Variants in ADGRL3 observed in about 807,000 individuals in gnomAD.
ADGRL3 encodes the protein calcium-independent alpha-latrotoxin receptor 3.
Under a neutral mutation model 153.5 loss-of-function variants are expected in ADGRL3, and 62 were observed. That is an observed-to-expected ratio of 0.40 (90% confidence interval 0.33 to 0.50). ADGRL3 has a LOEUF of 0.50. Ranked by LOEUF, ADGRL3 falls within the 20% of genes least tolerant of loss-of-function variation. The pLI is 0.47. For synonymous variants in ADGRL3, 710 were observed against 672.5 expected (o/e 1.06, Z -0.86); for missense variants, 1,641 against 1,859.4 (o/e 0.88, Z 2.16).
At chr4:61,607,994 C>T (rs74503075) in intron 5 of ADGRL3, among the ~76,000 whole-genome samples, 2 of 152,162 alleles carry the variant, frequency 1.3e-5, no homozygotes, top group Non-Finnish European at 2.9e-5. Flanking sequence ...CTCACTGTCA[C>T]CATCTTCGCA....
At chr4:61,540,257 A>G (rs1282424745) in intron 4 of ADGRL3, among the ~76,000 whole-genome samples, 1 of 152,158 alleles carries the variant, frequency 6.6e-6, no homozygotes, top group African/African-American at 2.4e-5. Flanking sequence ...AGTTAAATAC[A>G]GTGGAAATCT....
intron 6 of ADGRL3, among the ~76,000 whole-genome samples, chr4:61,728,067 C>T (rs2096379511): frequency 6.6e-6 from 1 of 152,046 alleles, no homozygotes; most frequent in Non-Finnish European, 1.5e-5. Context: ...TGTTACCAAG[C>T]TTTTCAATGA....
intron 3 of ADGRL3, among the ~76,000 whole-genome samples, chr4:61,517,043 T>G (rs1024684589): frequency 3.3e-5 from 5 of 151,868 alleles, no homozygotes; most frequent in Non-Finnish European, 7.4e-5. Flanking sequence ...TAATTATGTC[T>G]AATTTTCTAA....
At chr4:61,534,052 G>A (rs1022571363) in intron 4 of ADGRL3, among the ~76,000 whole-genome samples, 1 of 151,970 alleles carries the variant, frequency 6.6e-6, no homozygotes, top group African/African-American at 2.4e-5. Context: ...TTTTTTCTAG[G>A]TTTTCTCCTA....
chr4:61,679,245 A>T (rs1455862615), intron 6 of ADGRL3, among the ~76,000 whole-genome samples: 1 of 151,954 alleles, frequency 6.6e-6, no homozygotes, highest in African/African-American at 2.4e-5. Context: ...ATGTGAATTC[A>T]TTACCACGGG....
At chr4:61,587,968 T>G (rs1183011316) in intron 5 of ADGRL3, among the ~76,000 whole-genome samples, 2 of 151,978 alleles carry the variant, frequency 1.3e-5, no homozygotes, top group African/African-American at 4.8e-5. Flanking sequence ...AATTTAAATA[T>G]TTGAGCAATC....
intron 4 of ADGRL3, among the ~76,000 whole-genome samples, chr4:61,567,108 T>G (rs934888391): frequency 3.9e-5 from 6 of 152,140 alleles, no homozygotes; most frequent in African/African-American, 1.4e-4. Flanking sequence ...AATTCAACAA[T>G]TTTACAATTT....
intron 2 of ADGRL3, among the ~76,000 whole-genome samples, chr4:61,423,220 G>A (rs2152350440): frequency 6.6e-6 from 1 of 152,318 alleles, no homozygotes; most frequent in South Asian, 2.1e-4. Context: ...AGAAAGGGAT[G>A]TTGAAGTTGA....
At chr4:61,909,021 C>T (rs899808613) in intron 11 of ADGRL3, among the ~76,000 whole-genome samples, 1 of 152,150 alleles carries the variant, frequency 6.6e-6, no homozygotes, top group Admixed American at 6.5e-5. Context: ...CAATAGTTTG[C>T]TACCCAGCAT....
rs1322899565 is a variant in ADGRL3 at position 61,810,289 on chromosome 4, A to G, written c.1400-3520A>G. Among the ~76,000 whole-genome samples, 7 of 152,278 alleles carry G rather than the reference A, an allele frequency of 4.6e-5. No individual in the cohort carries two copies. The South Asian group carries it at 1.2e-3, about 27-fold the overall frequency. ...GTTCTCTGCAGGCTAGCTGTAAAGCATCTGCTTTCTAACCAGCCTCTGATA... is the reference window on the plus strand; with the variant it reads ...GTTCTCTGCAGGCTAGCTGTAAAGCGTCTGCTTTCTAACCAGCCTCTGATA... On this transcript the variant is annotated intron_variant, in intron 8 of 26. Transcript: ENST00000683033.
chr4:61,241,531 T>TA (rs1250298312), intron 1 of ADGRL3, among the ~76,000 whole-genome samples: 1 of 152,062 alleles, frequency 6.6e-6, no homozygotes, highest in East Asian at 1.9e-4. Context: ...CTTGCCATTG[T>TA]AAATAAATTA....
rs1465046230 is a variant in ADGRL3 at position 61,383,111 on chromosome 4, TC to T, written c.-239-12del. 1 of 151,752 alleles carries T rather than the reference TC, an allele frequency of 6.6e-6. No homozygotes were observed. The highest frequency in any genetic ancestry group is 1.5e-5 in the Non-Finnish European group (1 of 67,768). The allele number at this position is 151,752 out of a possible 1,614,324, so 9.4% of individuals were successfully genotyped here. ...CTCATAATCAAATTAAATATTTTTT[TC>T]TTTTTTTTCAGAAATGTTTAATTTG... On this transcript the variant is annotated splice_polypyrimidine_tract_variant and intron_variant, in intron 1 of 26. Transcript: ENST00000683033.
intron 5 of ADGRL3, among the ~76,000 whole-genome samples, chr4:61,675,536 A>G (rs1231878022): frequency 6.6e-6 from 1 of 151,198 alleles, no homozygotes; most frequent in South Asian, 2.1e-4. Context: ...TAATTTCAAC[A>G]TGTTTGTTTT....
chr4:61,990,440 T>A (rs1581771878), intron 19 of ADGRL3, among the ~76,000 whole-genome samples: 1 of 152,010 alleles, frequency 6.6e-6, no homozygotes, highest in South Asian at 2.1e-4. Flanking sequence ...TTTTGGTGGG[T>A]ACAGAGTTTC....
chr4:61,420,219 T>C (rs927223940), intron 2 of ADGRL3: 1 of 152,134 alleles, frequency 6.6e-6, no homozygotes, highest in African/African-American at 2.4e-5. Context: ...TCCCATGATA[T>C]CTTTTACATA....
In ADGRL3 at chr4:61,457,851, C is replaced by CAGATGAT. The variant is rs1553934514; in HGVS notation, c.-173-39266_-173-39265insGATAGAT. On this transcript the variant is annotated intron_variant, in intron 2 of 26. Coordinates refer to ENST00000683033, the MANE Select transcript of ADGRL3 (RefSeq NM_001387552.1). ...TGTTTTTGTATAAAATCACAGATGA[C>CAGATGAT]AGATAGATAGATAGATAGATAGATA... is the stretch of plus-strand genomic sequence containing the variant. 2.3e-3 allele frequency among the ~76,000 whole-genome samples: 343 copies of CAGATGAT among 146,166 alleles called. 3 individuals carry two copies. Among genetic ancestry groups the CAGATGAT allele is most frequent in the Non-Finnish European group, 3.3e-3 (218 of 66,054 alleles).
At chr4:61,234,425 A>T (rs1414601156) in intron 1 of ADGRL3, among the ~76,000 whole-genome samples, 1 of 152,214 alleles carries the variant, frequency 6.6e-6, no homozygotes, top group African/African-American at 2.4e-5. Flanking sequence ...CTCCCACAAC[A>T]TGTGGGAATT....
At chr4:61,752,095 C>T (rs2096764237) in intron 8 of ADGRL3, among the ~76,000 whole-genome samples, 2 of 151,982 alleles carry the variant, frequency 1.3e-5, no homozygotes, top group Non-Finnish European at 2.9e-5. Flanking sequence ...ATGTTATAAC[C>T]ACTTGGAGAG....
At chr4:61,663,223 T>C (rs2150615145) in intron 5 of ADGRL3, among the ~76,000 whole-genome samples, 1 of 152,260 alleles carries the variant, frequency 6.6e-6, no homozygotes, top group South Asian at 2.1e-4. Flanking sequence ...AAGGTGAGAA[T>C]AGCTGTGGCC....
Sources: allele counts gnomAD v4.1 joint callset (sites outside exome capture counted in the v4.1 genomes callset), GRCh38; gene constraint gnomAD v4.1.1; transcripts MANE v1.5; gene names NCBI Gene and HGNC (gene_info 2026-07-23, HGNC 2026-07-21).